Variants in RYR2 observed in about 807,000 individuals in gnomAD.
RYR2 encodes the protein cardiac muscle ryanodine receptor-calcium release channel.
RYR2 carries 227 observed loss-of-function variants against 601.1 expected under a neutral mutation model. That is an observed-to-expected ratio of 0.38 (90% CI 0.34 to 0.42). The LOEUF is 0.42. RYR2 is among the 10% of genes least tolerant of loss of function. The probability of loss-of-function intolerance (pLI) is 1.00; values close to 1 mark genes in which losing one functional copy is unlikely to be tolerated. For synonymous variants in RYR2, 2,223 were observed against 2,175.1 expected (o/e 1.02, Z -0.61); for missense variants, 4,646 against 6,156.5 (o/e 0.75, Z 8.21).
intron 10 of RYR2, among the ~76,000 whole-genome samples, chr1:237,409,369 T>C (rs925294452): frequency 3.3e-5 from 5 of 152,264 alleles, no homozygotes; most frequent in African/African-American, 1.2e-4. Flanking sequence ...GTATTATTAA[T>C]AGACACTGGA....
Position 237,801,930 on chromosome 1 carries a change from A to G in RYR2, c.14151+14A>G, listed in dbSNP as rs1451364457. 12 of 1,540,474 alleles carry G rather than the reference A, an allele frequency of 7.8e-6. No individual in the cohort carries two copies. The highest frequency in any genetic ancestry group is 9.9e-6 in the Non-Finnish European group (11 of 1,115,358). ...TTCACTGACAACGTAAGCCTACTTCATTATCACAAAAGAAAATGCACTCTG... is the reference window on the plus strand; with the variant it reads ...TTCACTGACAACGTAAGCCTACTTCGTTATCACAAAAGAAAATGCACTCTG... On this transcript the variant is annotated intron_variant, in intron 98 of 104. Coordinates refer to ENST00000366574, the MANE Select transcript of RYR2 (RefSeq NM_001035.3).
chr1:237,265,576 C>A (rs557121212), intron 1 of RYR2, among the ~76,000 whole-genome samples: 1 of 152,302 alleles, frequency 6.6e-6, no homozygotes, highest in African/African-American at 2.4e-5. Context: ...CCCGCCTGGG[C>A]CTCCCAAAGT....
In RYR2 at chr1:237,502,665, C is replaced by T. The variant is rs915107377; in HGVS notation, c.2397-624C>T. Among the ~76,000 whole-genome samples, 22 of 152,180 alleles carry T rather than the reference C, an allele frequency of 1.4e-4. No homozygotes were observed. The South Asian group carries it at 2.1e-3, about 14-fold the overall frequency. ...GATCTCACAGGGGGCAGAGCTCAGG[C>T]GGTAATGCTCTCTTGCCCACACAGC... On this transcript the variant is annotated intron_variant, in intron 21 of 104. Transcript: ENST00000366574.
chr1:237,187,362 C>T (rs891544828), intron 1 of RYR2, among the ~76,000 whole-genome samples: 2 of 150,560 alleles, frequency 1.3e-5, no homozygotes, highest in Non-Finnish European at 2.9e-5. Context: ...ATGGTTGTCT[C>T]GATCTCCTGA....
intron 100 of RYR2, among the ~76,000 whole-genome samples, chr1:237,817,706 G>A (rs911051629): frequency 6.6e-6 from 1 of 152,224 alleles, no homozygotes; most frequent in South Asian, 2.1e-4. Context: ...CAGTCCTGGG[G>A]CATTTGTTCA....
chr1:237,817,906 C>CT (rs928842066), intron 100 of RYR2, among the ~76,000 whole-genome samples: 2 of 152,086 alleles, frequency 1.3e-5, no homozygotes, highest in East Asian at 1.9e-4. Flanking sequence ...CTGGAACAGT[C>CT]TAAGAAAATC....
chr1:237,199,558 G>A (rs1251252720), intron 1 of RYR2, among the ~76,000 whole-genome samples: 1 of 152,156 alleles, frequency 6.6e-6, no homozygotes, highest in Non-Finnish European at 1.5e-5. Context: ...ATTAGCTGGT[G>A]CCCACCCGGA....
rs1358003914 is a variant in RYR2 at position 237,591,795 on chromosome 1, C to T, written c.4217C>T (p.Thr1406Ile). The T allele has an allele frequency of 6.2e-7, 1 of 1,613,618 alleles. No individual in the cohort carries two copies. Among genetic ancestry groups the T allele is most frequent in the East Asian group, 2.2e-5 (1 of 44,846 alleles). Reference protein sequence around the residue: ...DYSTSHSARLTEDVLADDRDD... With the variant: ...DYSTSHSARLIEDVLADDRDD... Reference sequence around the variant, plus strand: ...AGCACAAGCCATTCTGCAAGACTCACCGAAGATGTCCTTGCTGATGATCGG... The same window carrying T: ...AGCACAAGCCATTCTGCAAGACTCATCGAAGATGTCCTTGCTGATGATCGG... Residue 1406 changes from threonine to isoleucine, a missense_variant, in exon 32 of 105, where the codon ACC (threonine) becomes ATC (isoleucine). Thr to Ile is a moderately conservative substitution (Grantham distance 89). Around this residue, in one of 17 missense-constraint regions of RYR2, gnomAD observed 1,807 missense variants for 2,088.1 expected, o/e 0.87. Coordinates refer to ENST00000366574, the MANE Select transcript of RYR2 (RefSeq NM_001035.3).
intron 99 of RYR2, among the ~76,000 whole-genome samples, chr1:237,808,320 G>A (rs1036304751): frequency 5.3e-5 from 8 of 152,180 alleles, no homozygotes; most frequent in African/African-American, 9.6e-5. Context: ...TAACAAAAAC[G>A]AAATGCATTT....
intron 2 of RYR2, among the ~76,000 whole-genome samples, chr1:237,281,612 C>T (rs927464328): frequency 2.0e-5 from 3 of 152,204 alleles, no homozygotes; most frequent in African/African-American, 7.2e-5. Context: ...AGTGCGTAGC[C>T]AGTTTTTGTT....
intron 12 of RYR2, among the ~76,000 whole-genome samples, chr1:237,427,287 G>GA (rs1340100983): frequency 6.6e-6 from 1 of 152,126 alleles, no homozygotes; most frequent in East Asian, 1.9e-4. Context: ...TATGAAAACA[G>GA]AAAACCTAAA....
At chr1:237,436,542 T>A (rs1486753462) in intron 12 of RYR2, among the ~76,000 whole-genome samples, 2 of 148,326 alleles carry the variant, frequency 1.3e-5, no homozygotes, top group Non-Finnish European at 3.0e-5. Flanking sequence ...TCGTTTCTCT[T>A]ACCACGTAAC....
At chr1:237,795,885 TATAC>T (rs982172414) in intron 96 of RYR2, among the ~76,000 whole-genome samples, 4 of 145,150 alleles carry the variant, frequency 2.8e-5, no homozygotes, top group Non-Finnish European at 4.5e-5. Context: ...CACATATATA[TATAC>T]ACACATATAT....
chr1:237,363,861 A>C lies in RYR2; in HGVS notation c.295-497A>C, dbSNP rs111479215. On this transcript the variant is annotated intron_variant, in intron 4 of 104. Coordinates refer to ENST00000366574, the MANE Select transcript of RYR2 (RefSeq NM_001035.3). The stretch of plus-strand genomic sequence containing the variant: ...ATATTCAGTGTCTAAGAAATTGCTT[A>C]CTGTTATTTTGCATGAAACGAGAGC... 1.3e-3 allele frequency among the ~76,000 whole-genome samples: 203 copies of C among 152,308 alleles called. 1 individual carries two copies. The highest frequency in any genetic ancestry group is 4.7e-3 in the African/African-American group (197 of 41,586).
At chr1:237,354,964 C>T (rs369899447) in intron 3 of RYR2, among the ~76,000 whole-genome samples, 50 of 152,226 alleles carry the variant, frequency 3.3e-4, no homozygotes, top group African/African-American at 1.2e-3. Flanking sequence ...CACTTTATAA[C>T]ATTTTTGAAA....
intron 24 of RYR2, among the ~76,000 whole-genome samples, chr1:237,515,650 C>CT (rs1286744763): frequency 2.9e-5 from 1 of 34,280 alleles, no homozygotes; most frequent in African/African-American, 1.1e-4. Context: ...CCCACCCCTT[C>CT]CCTCCCCTTC....
At chr1:237,157,475 G>A (rs1675526816) in intron 1 of RYR2, among the ~76,000 whole-genome samples, 2 of 152,168 alleles carry the variant, frequency 1.3e-5, no homozygotes, top group African/African-American at 4.8e-5. Flanking sequence ...CCAAGATATG[G>A]AATCAGTCTA....
chr1:237,392,695 C>G (rs1290549395), intron 10 of RYR2, among the ~76,000 whole-genome samples: 1 of 151,752 alleles, frequency 6.6e-6, no homozygotes, highest in Non-Finnish European at 1.5e-5. Context: ...TTGATATGCA[C>G]TATGTGAATA....
intron 1 of RYR2, among the ~76,000 whole-genome samples, chr1:237,209,980 G>A (rs781747795): frequency 9.9e-5 from 15 of 152,102 alleles, no homozygotes; most frequent in Non-Finnish European, 2.1e-4. Context: ...AATATAACAT[G>A]TAGAAAATTT....
Sources: allele counts gnomAD v4.1 joint callset (sites outside exome capture counted in the v4.1 genomes callset), GRCh38; gene constraint gnomAD v4.1.1; regional missense constraint gnomAD v4.1.1; transcripts MANE v1.5; gene names NCBI Gene and HGNC (gene_info 2026-07-23, HGNC 2026-07-21).